KLHL32: variants seen among roughly 807,000 people sequenced by gnomAD.
KLHL32 encodes the protein kelch-like protein 32.
In KLHL32, 35 loss-of-function variants were observed where a neutral mutation model predicts 64.8. The ratio of observed to expected loss-of-function variants is 0.54; its 90% CI spans 0.41 to 0.72. The LOEUF (loss-of-function observed/expected upper bound fraction) is 0.72. Ranked by LOEUF, KLHL32 falls within the 30% of genes least tolerant of loss-of-function variation. KLHL32 has a pLI of 0.00. For synonymous variants in KLHL32, 259 were observed against 281.0 expected (o/e 0.92, Z 0.78); for missense variants, 589 against 768.5 (o/e 0.77, Z 2.76).
intron 7 of KLHL32, among the ~76,000 whole-genome samples, chr6:97,126,718 T>A (rs1319970830): frequency 1.3e-5 from 2 of 152,162 alleles, no homozygotes; most frequent in Admixed American, 6.5e-5. Context: ...GAAGACTTAG[T>A]ATGAAAAAAA....
intron 1 of KLHL32, among the ~76,000 whole-genome samples, chr6:96,926,232 T>C (rs1334344354): frequency 6.6e-6 from 1 of 152,260 alleles, no homozygotes; most frequent in Non-Finnish European, 1.5e-5. Flanking sequence ...TCTTTTCTAC[T>C]TCTTGTTAAA....
intron 1 of KLHL32, among the ~76,000 whole-genome samples, chr6:96,927,793 A>T (rs2127987265): frequency 6.6e-6 from 1 of 152,318 alleles, no homozygotes; most frequent in Middle Eastern, 3.4e-3. Flanking sequence ...TAATGTTCTA[A>T]CAAAGTCCTG....
At chr6:96,928,682 T>C (rs955616273) in intron 1 of KLHL32, among the ~76,000 whole-genome samples, 1 of 152,244 alleles carries the variant, frequency 6.6e-6, no homozygotes, top group Non-Finnish European at 1.5e-5. Flanking sequence ...TTTCCTCTCA[T>C]GATATCACTT....
Position 96,976,077 on chromosome 6 carries a change from A to C in KLHL32, c.104A>C (p.Gln35Pro), listed in dbSNP as rs777892476. The change falls in exon 3 of 11, where the codon CAG (glutamine) becomes CCG (proline). Residue 35 changes from glutamine to proline, a missense_variant. This residue lies in a region of KLHL32 where 191 missense variants were observed against 223.3 expected (regional missense o/e 0.86). Transcript: ENST00000369261. ...NDSVLAALNQ[Q>P]RSDGILCDIT... ...AGTGTCCTGGCAGCGCTGAATCAGC[A>C]GAGGAGTGATGGCATCCTCTGCGAC... 2 of 1,610,250 alleles carry C rather than the reference A, an allele frequency of 1.2e-6. No individual in the cohort carries two copies. The highest frequency in any genetic ancestry group is 2.7e-5 in the African/African-American group (2 of 74,876).
chr6:97,022,649 T>C (rs1005671227), intron 3 of KLHL32, among the ~76,000 whole-genome samples: 3 of 151,258 alleles, frequency 2.0e-5, no homozygotes, highest in Admixed American at 1.3e-4. Flanking sequence ...TTTGTATTTT[T>C]AGTAGAGATG....
At chr6:96,930,274 T>C (rs1375423971) in intron 1 of KLHL32, among the ~76,000 whole-genome samples, 2 of 152,178 alleles carry the variant, frequency 1.3e-5, no homozygotes, top group Non-Finnish European at 2.9e-5. Context: ...TTATTATTTA[T>C]GATTTTTAGT....
chr6:97,099,116 C>G (rs1002822481), intron 6 of KLHL32, among the ~76,000 whole-genome samples: 2 of 152,170 alleles, frequency 1.3e-5, no homozygotes, highest in African/African-American at 4.8e-5. Context: ...CTGAGTTTCC[C>G]CACGTCTGTA....
chr6:96,942,015 A>G (rs1244260450), intron 1 of KLHL32, among the ~76,000 whole-genome samples: 1 of 152,228 alleles, frequency 6.6e-6, no homozygotes, highest in African/African-American at 2.4e-5. Context: ...TGTACTGTAT[A>G]TATAGTAACT....
chr6:96,953,833 T>C (rs563821757), intron 1 of KLHL32, among the ~76,000 whole-genome samples: 5 of 147,744 alleles, frequency 3.4e-5, no homozygotes, highest in African/African-American at 1.3e-4. Context: ...TGCACTACTT[T>C]TGTTTTTCAT....
At chr6:97,007,183 T>C (rs943766876) in intron 3 of KLHL32, among the ~76,000 whole-genome samples, 1 of 152,208 alleles carries the variant, frequency 6.6e-6, no homozygotes, top group Non-Finnish European at 1.5e-5. Flanking sequence ...GAGGTTTTGC[T>C]CATTCTTTTT....
At chr6:97,091,726 A>G (rs1237366874) in intron 6 of KLHL32, among the ~76,000 whole-genome samples, 1 of 152,182 alleles carries the variant, frequency 6.6e-6, no homozygotes, top group Non-Finnish European at 1.5e-5. Context: ...TGCTTTGCTT[A>G]TTGTTAACTC....
chr6:96,955,318 G>A (rs1231562532), intron 1 of KLHL32, among the ~76,000 whole-genome samples: 1 of 152,092 alleles, frequency 6.6e-6, no homozygotes. Flanking sequence ...CCATTGCCAG[G>A]TTGGAATTTG....
At chr6:96,990,606 T>C (rs527821087) in intron 3 of KLHL32, among the ~76,000 whole-genome samples, 1 of 152,208 alleles carries the variant, frequency 6.6e-6, no homozygotes, top group African/African-American at 2.4e-5. Flanking sequence ...CTCTCCAACT[T>C]GGAGGCAGCA....
intron 3 of KLHL32, among the ~76,000 whole-genome samples, chr6:96,985,556 A>G (rs902070862): frequency 8.6e-5 from 13 of 152,044 alleles, no homozygotes; most frequent in Non-Finnish European, 1.6e-4. Context: ...TATTTCTTGG[A>G]GGCTTTGTTC....
chr6:97,066,763 A>G (rs1471255540), intron 5 of KLHL32, among the ~76,000 whole-genome samples: 1 of 152,010 alleles, frequency 6.6e-6, no homozygotes. Flanking sequence ...GGTCAATTCA[A>G]TCTACTTTTA....
Position 97,039,845 on chromosome 6 carries a change from A to ACAAG in KLHL32, c.205-1647_205-1646insCAAG, listed in dbSNP as rs1554222747. ...AAAAAACAAACAAACAAACAAACAA[A>ACAAG]AAACAAAGAAAGAAAAGAAAATCGC... On this transcript the variant is annotated intron_variant, in intron 3 of 10. Transcript: ENST00000369261. Among the ~76,000 whole-genome samples, 3 of 150,356 alleles carry ACAAG rather than the reference A, an allele frequency of 2.0e-5. No individual in the cohort carries two copies. The East Asian group carries it at 5.9e-4, about 29-fold the overall frequency.
intron 3 of KLHL32, among the ~76,000 whole-genome samples, chr6:97,039,531 C>A (rs1468612004): frequency 9.5e-6 from 1 of 104,970 alleles, no homozygotes; most frequent in African/African-American, 4.8e-5. Flanking sequence ...TTGAAAATAG[C>A]TAGAAGACAG....
chr6:97,026,831 T>A (rs1216266377), intron 3 of KLHL32, among the ~76,000 whole-genome samples: 1 of 152,136 alleles, frequency 6.6e-6, no homozygotes, highest in Non-Finnish European at 1.5e-5. Context: ...AATTCCACAC[T>A]ATTATCTTCA....
rs950882205 is a variant in KLHL32 at position 97,139,159 on chromosome 6, C to A, written c.1740C>A (p.Phe580Leu). Residue 580 changes from phenylalanine to leucine, a missense_variant, in exon 11 of 11, where the codon TTC becomes TTA. By Grantham distance (22) the Phe-to-Leu change is conservative (BLOSUM62 0). This residue lies in a region of KLHL32 where 172 missense variants were observed against 192.0 expected (regional missense o/e 0.90). Transcript: ENST00000369261. Reference protein sequence around the residue: ...DVSREGKEEVFYGPTLPFASN... With the variant: ...DVSREGKEEVLYGPTLPFASN... ...GCAGAGAAGGCAAAGAAGAAGTATT[C>A]TATGGGCCTACACTCCCTTTTGCTT... 1.9e-6 allele frequency: 3 copies of A among 1,614,044 alleles called. No homozygotes were observed. The highest frequency in any genetic ancestry group is 2.5e-6 in the Non-Finnish European group (3 of 1,179,962).
Sources: gnomAD v4.1 joint callset for allele counts (sites outside exome capture counted in the v4.1 genomes callset) on GRCh38, gnomAD v4.1.1 for gene constraint, gnomAD v4.1.1 regional missense constraint, MANE v1.5 for transcripts, NCBI Gene and HGNC (gene_info 2026-07-23, HGNC 2026-07-21) for gene names.